EVI5: variants seen among roughly 807,000 people sequenced by gnomAD.
EVI5 encodes ecotropic viral integration site 5 protein homolog.
A neutral mutation model predicts 112.0 loss-of-function variants in EVI5; 73 were observed. The observed-to-expected ratio is 0.65, with a 90% CI of 0.54 to 0.79. The LOEUF (loss-of-function observed/expected upper bound fraction) is 0.79, where lower values mean the gene tolerates loss of function less well. Ranked by LOEUF, EVI5 falls within the 30% of genes least tolerant of loss-of-function variation. The probability of loss-of-function intolerance (pLI) is 0.00; values close to 1 mark genes in which losing one functional copy is unlikely to be tolerated. For missense variants in EVI5, 900 were observed against 968.8 expected (o/e 0.93, Z 0.94); for synonymous variants, 305 against 319.9 (o/e 0.95, Z 0.50).
intron 19 of EVI5, among the ~76,000 whole-genome samples, chr1:92,530,567 T>TG (rs939864882): frequency 4.6e-5 from 7 of 152,050 alleles, no homozygotes; most frequent in Admixed American, 4.6e-4. Flanking sequence ...GGTGCCCCTC[T>TG]GGGACAAAGC....
chr1:92,731,842 T>G (rs1228039559), intron 2 of EVI5, among the ~76,000 whole-genome samples: 5 of 152,124 alleles, frequency 3.3e-5, no homozygotes, highest in Non-Finnish European at 7.4e-5. Flanking sequence ...GATGTCCATA[T>G]TCAAAAAATG....
intron 2 of EVI5, among the ~76,000 whole-genome samples, chr1:92,712,358 G>A (rs548762171): frequency 6.6e-6 from 1 of 151,532 alleles, no homozygotes; most frequent in East Asian, 1.9e-4. Context: ...TTTTTTCTGT[G>A]TTTAAGATCA....
Position 92,532,468 on chromosome 1 carries a change from T to A in EVI5, c.2167-18498A>T, listed in dbSNP as rs1355336809. On this transcript the variant is annotated intron_variant, in intron 19 of 19. Transcript: ENST00000684568. ...CATCTACAGAACTCTCCACTCCAAA[T>A]CAACAGAATATATGTTCTTCTCGGC... Among the ~76,000 whole-genome samples the A allele has an allele frequency of 2.0e-5, 3 of 152,104 alleles. No homozygotes were observed. The East Asian group carries it at 5.8e-4, about 29-fold the overall frequency.
intron 10 of EVI5, among the ~76,000 whole-genome samples, chr1:92,672,355 T>C (rs1666019841): frequency 6.6e-6 from 1 of 152,164 alleles, no homozygotes; most frequent in Non-Finnish European, 1.5e-5. Flanking sequence ...TTCTCATCAT[T>C]CATGCTGTCC....
At chr1:92,746,524 G>A (rs890964816) in intron 1 of EVI5, among the ~76,000 whole-genome samples, 4 of 152,130 alleles carry the variant, frequency 2.6e-5, no homozygotes, top group South Asian at 2.1e-4. Flanking sequence ...TCAGGAGCTC[G>A]AGATCAGTCT....
At chr1:92,585,487 C>T (rs1170937315) in intron 18 of EVI5, among the ~76,000 whole-genome samples, 1 of 152,016 alleles carries the variant, frequency 6.6e-6, no homozygotes, top group Non-Finnish European at 1.5e-5. Context: ...AGACACTCTC[C>T]CTCTCTTAAA....
intron 8 of EVI5, 35 bp downstream of exon 8, chr1:92,694,263 TC>T: frequency 1.7e-6 from 2 of 1,193,762 alleles, no homozygotes; most frequent in Non-Finnish European, 2.4e-6. Flanking sequence ...AAACTCTGTC[TC>T]AAAAAAAAAA....
In EVI5 at chr1:92,626,413, T is replaced by A. The variant is rs183628544; in HGVS notation, c.1528-479A>T. Among the ~76,000 whole-genome samples the A allele has an allele frequency of 1.2e-3, 187 of 152,346 alleles. 2 individuals are homozygous for A. Among genetic ancestry groups the A allele is most frequent in the Non-Finnish European group, 1.5e-4 (10 of 68,026 alleles). ...CACTGTATAGATATACCACATTTAA[T>A]CTATTTATTCATCAGTTAATAGAAA... On this transcript the variant is annotated intron_variant, in intron 14 of 19. Coordinates refer to ENST00000684568, the MANE Select transcript of EVI5 (RefSeq NM_001350197.2).
chr1:92,532,855 C>T (rs1194681063), intron 19 of EVI5, among the ~76,000 whole-genome samples: 2 of 152,074 alleles, frequency 1.3e-5, no homozygotes, highest in African/African-American at 4.8e-5. Context: ...AATTGACACC[C>T]TAAAATCACA....
chr1:92,574,337 T>C (rs1034833150), intron 18 of EVI5, among the ~76,000 whole-genome samples: 1 of 152,158 alleles, frequency 6.6e-6, no homozygotes, highest in African/African-American at 2.4e-5. Context: ...CAGTAGAAAG[T>C]GGGCATTTTA....
In EVI5 at chr1:92,563,932, T is replaced by C. The variant is rs186124666; in HGVS notation, c.2071-195A>G. On this transcript the variant is annotated intron_variant, in intron 18 of 19. Coordinates refer to ENST00000684568, the MANE Select transcript of EVI5 (RefSeq NM_001350197.2). ...TTTAATTAATTAATTAATTTATTTA[T>C]TTAGAAACAGAGTTTCGTTCTTGTT... 8.5e-5 allele frequency among the ~76,000 whole-genome samples: 13 copies of C among 152,318 alleles called. No homozygotes were observed. The East Asian group carries it at 9.6e-4, about 11-fold the overall frequency.
chr1:92,686,466 T>C (rs1429437654), intron 9 of EVI5, among the ~76,000 whole-genome samples: 2 of 152,202 alleles, frequency 1.3e-5, no homozygotes, highest in Non-Finnish European at 2.9e-5. Flanking sequence ...CTGGAAGCAT[T>C]CCCTTTGAAA....
At chr1:92,693,169 T>G (rs760617948) in intron 9 of EVI5, among the ~76,000 whole-genome samples, 8 of 151,806 alleles carry the variant, frequency 5.3e-5, no homozygotes, top group Non-Finnish European at 1.2e-4. Flanking sequence ...CTGGGCAACA[T>G]AGTGACACTC....
At chr1:92,545,328 G>A (rs981398524) in intron 19 of EVI5, among the ~76,000 whole-genome samples, 2 of 151,300 alleles carry the variant, frequency 1.3e-5, no homozygotes, top group Non-Finnish European at 2.9e-5. Context: ...CTCCTGTCTC[G>A]GCCTCCCAAA....
chr1:92,557,290 CTTTTTTTG>C, intron 19 of EVI5, among the ~76,000 whole-genome samples: 1 of 147,504 alleles, frequency 6.8e-6, no homozygotes, highest in East Asian at 2.0e-4. Context: ...TTTTCTTTTT[CTTTTTTTG>C]TTTTTTTGAG....
At chr1:92,708,441 T>C (rs950027135) in intron 2 of EVI5, among the ~76,000 whole-genome samples, 1 of 152,136 alleles carries the variant, frequency 6.6e-6, no homozygotes, top group Non-Finnish European at 1.5e-5. Flanking sequence ...ACCATTAAGA[T>C]AGTTACAATC....
chr1:92,572,230 G>A (rs978977566), intron 18 of EVI5, among the ~76,000 whole-genome samples: 3 of 152,040 alleles, frequency 2.0e-5, no homozygotes, highest in African/African-American at 4.8e-5. Context: ...TAGGGGTAAA[G>A]TATAACAAAG....
chr1:92,628,753 T>G (rs1656246653), intron 14 of EVI5, among the ~76,000 whole-genome samples: 1 of 152,248 alleles, frequency 6.6e-6, no homozygotes, highest in Admixed American at 6.5e-5. Context: ...CTATGAAATT[T>G]TCTATCTCTA....
At chr1:92,781,933 C>A (rs1570951481) in intron 1 of EVI5, among the ~76,000 whole-genome samples, 1 of 101,008 alleles carries the variant, frequency 9.9e-6, no homozygotes, top group African/African-American at 4.0e-5. Flanking sequence ...CCAACCTGGG[C>A]AACAGAGTGA....
Sources: gnomAD v4.1 joint callset for allele counts (sites outside exome capture counted in the v4.1 genomes callset) on GRCh38, gnomAD v4.1.1 for gene constraint, MANE v1.5 for transcripts, NCBI Gene and HGNC (gene_info 2026-07-23, HGNC 2026-07-21) for gene names.